ABCA12: variants seen among roughly 807,000 people sequenced by gnomAD.
ABCA12 encodes glucosylceramide transporter ABCA12.
ABCA12 carries 156 observed loss-of-function variants against 293.5 expected under a neutral mutation model. The ratio of observed to expected loss-of-function variants is 0.53; its 90% confidence interval spans 0.47 to 0.61. The LOEUF is 0.61. ABCA12 is among the 20% of genes least tolerant of loss of function. The probability of loss-of-function intolerance (pLI) is 0.00; values close to 1 mark genes in which losing one functional copy is unlikely to be tolerated. For synonymous variants in ABCA12, 1,063 were observed against 1,108.0 expected (o/e 0.96, Z 0.81); for missense variants, 2,797 against 3,090.2 (o/e 0.91, Z 2.25).
intron 1 of ABCA12, among the ~76,000 whole-genome samples, chr2:215,117,050 G>C (rs1018503701): frequency 2.6e-5 from 4 of 152,184 alleles, no homozygotes; most frequent in Non-Finnish European, 5.9e-5. Context: ...ATGTTTACTT[G>C]TAGAAAATGT....
chr2:214,986,754 G>T, intron 27 of ABCA12, 26 bp from the exon 28 acceptor site: 1 of 1,606,192 alleles, frequency 6.2e-7, no homozygotes, highest in Non-Finnish European at 8.5e-7. Context: ...GGGAAGAGTT[G>T]TAAACTCACA....
At chr2:215,058,766 C>A (rs898208919) in intron 3 of ABCA12, among the ~76,000 whole-genome samples, 1 of 151,912 alleles carries the variant, frequency 6.6e-6, no homozygotes, top group African/African-American at 2.4e-5. Flanking sequence ...GCCTCAGTGA[C>A]ATTTATAGGG....
chr2:214,981,988 T>TAA (rs1225773961), intron 30 of ABCA12, among the ~76,000 whole-genome samples, 199 bp downstream of exon 30: 1 of 146,618 alleles, frequency 6.8e-6, no homozygotes, highest in African/African-American at 2.5e-5. Flanking sequence ...ATTATTATTT[T>TAA]ATTATTATTG....
intron 1 of ABCA12, among the ~76,000 whole-genome samples, chr2:215,132,820 T>TTG (rs1337493147): frequency 6.6e-6 from 1 of 152,118 alleles, no homozygotes; most frequent in Non-Finnish European, 1.5e-5. Context: ...TGCAGTTGCT[T>TTG]TACAAGATCT....
At chr2:215,088,296 C>G (rs1245894513) in intron 2 of ABCA12, among the ~76,000 whole-genome samples, 2 of 152,050 alleles carry the variant, frequency 1.3e-5, no homozygotes, top group Middle Eastern at 3.2e-3. Context: ...GAAATGGAGA[C>G]AGAGGGTTTC....
intron 1 of ABCA12, among the ~76,000 whole-genome samples, chr2:215,130,103 A>G (rs920426878): frequency 6.6e-6 from 1 of 152,180 alleles, no homozygotes; most frequent in African/African-American, 2.4e-5. Context: ...TTGTATCAGT[A>G]TCATGCTGTT....
intron 40 of ABCA12, 62 bp downstream of exon 40, chr2:214,958,962 A>C: frequency 2.1e-6 from 3 of 1,460,744 alleles, no homozygotes; most frequent in Middle Eastern, 1.7e-4. Context: ...CAATTACAGC[A>C]CTTTATACAA....
In ABCA12 at chr2:215,028,212, G is replaced by C. The variant is rs139852681; in HGVS notation, c.1062-1274C>G. On this transcript the variant is annotated intron_variant, in intron 9 of 52. Transcript: ENST00000272895. ...ATGCGAGTGGGAACGATTAACCTTGGCATAGCTAGTAAATGCAGGAAAATA... is the reference window on the plus strand; with the variant it reads ...ATGCGAGTGGGAACGATTAACCTTGCCATAGCTAGTAAATGCAGGAAAATA... 4.3e-3 allele frequency among the ~76,000 whole-genome samples: 660 copies of C among 152,220 alleles called. 6 individuals are homozygous for C. Among genetic ancestry groups the C allele is most frequent in the African/African-American group, 0.015 (619 of 41,508 alleles).
chr2:215,102,751 T>C (rs1480177324), intron 2 of ABCA12, among the ~76,000 whole-genome samples: 1 of 152,206 alleles, frequency 6.6e-6, no homozygotes, highest in Non-Finnish European at 1.5e-5. Flanking sequence ...CTCATGTAAG[T>C]TGCTTTCTGT....
intron 1 of ABCA12, among the ~76,000 whole-genome samples, chr2:215,120,562 G>T (rs73076512): frequency 0.048 from 7,289 of 152,224 alleles, 570 homozygotes; most frequent in African/African-American, 0.17. Context: ...GTGGGAGTCT[G>T]TAGAGCAGAA....
chr2:215,019,512 C>T (rs748105092), intron 12 of ABCA12, 28 bp downstream of exon 12: 1 of 1,614,056 alleles, frequency 6.2e-7, no homozygotes, highest in Non-Finnish European at 8.5e-7. Flanking sequence ...GAGATTTCAC[C>T]AAGGAAGAAG....
intron 2 of ABCA12, among the ~76,000 whole-genome samples, chr2:215,097,650 G>C (rs1242811502): frequency 6.6e-6 from 1 of 152,094 alleles, no homozygotes; most frequent in African/African-American, 2.4e-5. Flanking sequence ...TTGTTCATTT[G>C]CTTTCAGTTG....
At chr2:214,970,730 T>C (rs1177090460) in intron 36 of ABCA12, among the ~76,000 whole-genome samples, 1 of 152,116 alleles carries the variant, frequency 6.6e-6, no homozygotes, top group Non-Finnish European at 1.5e-5. Flanking sequence ...AACATTAAGA[T>C]GATAAAATTT....
chr2:214,933,470 C>G (rs1046569798), intron 52 of ABCA12, among the ~76,000 whole-genome samples: 1 of 152,166 alleles, frequency 6.6e-6, no homozygotes, highest in South Asian at 2.1e-4. Context: ...GCCTTACTTT[C>G]AGACCTAGTC....
At chr2:215,050,410 T>C (rs547968947) in intron 5 of ABCA12, among the ~76,000 whole-genome samples, 1 of 152,256 alleles carries the variant, frequency 6.6e-6, no homozygotes, top group South Asian at 2.1e-4. Flanking sequence ...AAGTAGTCAT[T>C]GGAAATCATT....
chr2:215,066,720 G>A (rs1701646352), intron 2 of ABCA12, among the ~76,000 whole-genome samples: 1 of 152,014 alleles, frequency 6.6e-6, no homozygotes, highest in African/African-American at 2.4e-5. Context: ...ATGTTACATG[G>A]GATCGTGCAA....
chr2:215,105,603 A>ACACACACACG, intron 2 of ABCA12, among the ~76,000 whole-genome samples: 1 of 108,984 alleles, frequency 9.2e-6, no homozygotes, highest in African/African-American at 3.9e-5. Flanking sequence ...ACACACACGC[A>ACACACACACG]CACACACACA....
chr2:215,025,944 A>G (rs1469920305), intron 10 of ABCA12, among the ~76,000 whole-genome samples, 165 bp from the exon 11 acceptor site: 1 of 152,196 alleles, frequency 6.6e-6, no homozygotes, highest in Non-Finnish European at 1.5e-5. Flanking sequence ...TATTTGAACC[A>G]TGGGGACAAC....
At chr2:215,072,129 T>C (rs1051553447) in intron 2 of ABCA12, among the ~76,000 whole-genome samples, 1 of 152,170 alleles carries the variant, frequency 6.6e-6, no homozygotes, top group Non-Finnish European at 1.5e-5. Flanking sequence ...ACTCAAAACG[T>C]TGGCACCTGA....
Sources: gnomAD v4.1 joint callset for allele counts (sites outside exome capture counted in the v4.1 genomes callset) on GRCh38, gnomAD v4.1.1 for gene constraint, MANE v1.5 for transcripts, NCBI Gene and HGNC (gene_info 2026-07-23, HGNC 2026-07-21) for gene names.